Variants in CADM2 observed in about 807,000 individuals in gnomAD.
CADM2 encodes the protein immunoglobulin superfamily member 4D.
CADM2 carries 12 observed loss-of-function variants against 49.8 expected under a neutral mutation model. The ratio of observed to expected loss-of-function variants is 0.24; its 90% CI spans 0.15 to 0.39. The LOEUF (loss-of-function observed/expected upper bound fraction) is 0.39, where lower values mean the gene tolerates loss of function less well. Ranked by LOEUF, CADM2 falls within the 10% of genes least tolerant of loss-of-function variation. The pLI is 1.00. For synonymous variants in CADM2, 214 were observed against 175.4 expected, an observed-to-expected ratio of 1.22 and a Z score of -1.74; for missense variants, 378 against 492.3, an observed-to-expected ratio of 0.77 and a Z score of 2.20.
At chr3:86,042,035 A>G (rs1736009785) in intron 8 of CADM2, among the ~76,000 whole-genome samples, 1 of 152,228 alleles carries the variant, frequency 6.6e-6, no homozygotes, top group African/African-American at 2.4e-5. Context: ...ACCAAGGAGA[A>G]CAAAGACACA....
intron 1 of CADM2, among the ~76,000 whole-genome samples, chr3:85,437,817 C>T (rs998313128): frequency 2.6e-4 from 40 of 151,908 alleles, no homozygotes; most frequent in African/African-American, 9.7e-4. Flanking sequence ...TCAGAAGCAA[C>T]TCATAGAAAT....
chr3:85,136,597 TA>T (rs1254254253), intron 1 of CADM2, among the ~76,000 whole-genome samples: 1 of 152,000 alleles, frequency 6.6e-6, no homozygotes, highest in African/African-American at 2.4e-5. Context: ...GATTTTGCCT[TA>T]AAAAATAAAT....
intron 1 of CADM2, among the ~76,000 whole-genome samples, chr3:85,019,416 G>A (rs1292686032): frequency 3.3e-5 from 5 of 152,116 alleles, no homozygotes; most frequent in African/African-American, 7.2e-5. Context: ...CCAGGAGGTC[G>A]AGGCTGCAGT....
chr3:84,960,090 T>A, intron 1 of CADM2: 2 of 211,652 alleles, frequency 9.4e-6, no homozygotes, highest in African/African-American at 2.3e-5. Context: ...AACCTCCCCC[T>A]TTTCAGGTCG....
chr3:86,034,393 A>G (rs1734915270), intron 8 of CADM2, among the ~76,000 whole-genome samples: 1 of 152,028 alleles, frequency 6.6e-6, no homozygotes. Context: ...AAAGGGCTAA[A>G]TATAAGTTCT....
intron 7 of CADM2, among the ~76,000 whole-genome samples, chr3:85,953,287 C>G (rs865811507): frequency 1.2e-4 from 18 of 150,946 alleles, no homozygotes; most frequent in Admixed American, 3.3e-4. Flanking sequence ...TTTATTACTC[C>G]CAACTCAATT....
At chr3:85,952,664 G>A (rs1454737256) in intron 7 of CADM2, among the ~76,000 whole-genome samples, 1 of 150,880 alleles carries the variant, frequency 6.6e-6, no homozygotes, top group Non-Finnish European at 1.5e-5. Flanking sequence ...ACTAGAGGCT[G>A]TAAAGAGAGT....
At chr3:85,765,545 T>C (rs2069614220) in intron 2 of CADM2, among the ~76,000 whole-genome samples, 1 of 152,044 alleles carries the variant, frequency 6.6e-6, no homozygotes, top group South Asian at 2.1e-4. Context: ...TATCTCCCTA[T>C]TTCCTGGGAG....
intron 1 of CADM2, among the ~76,000 whole-genome samples, chr3:85,495,240 A>C (rs2039839758): frequency 6.6e-6 from 1 of 152,108 alleles, no homozygotes; most frequent in South Asian, 2.1e-4. Flanking sequence ...ACTAATGTTA[A>C]TTTTCTTCTC....
At chr3:85,492,981 A>T (rs915357485) in intron 1 of CADM2, among the ~76,000 whole-genome samples, 1 of 152,122 alleles carries the variant, frequency 6.6e-6, no homozygotes, top group Non-Finnish European at 1.5e-5. Context: ...ATCAAGGGGG[A>T]TCTAAAGGGA....
At chr3:85,388,494 C>G (rs1335049496) in intron 1 of CADM2, among the ~76,000 whole-genome samples, 1 of 152,106 alleles carries the variant, frequency 6.6e-6, no homozygotes, top group Admixed American at 6.5e-5. Flanking sequence ...TTTTCAGAAA[C>G]AGCTACATAT....
At chr3:85,607,738 C>G (rs1261495479) in intron 1 of CADM2, among the ~76,000 whole-genome samples, 2 of 151,982 alleles carry the variant, frequency 1.3e-5, no homozygotes, top group Non-Finnish European at 2.9e-5. Context: ...CTCACTGCAG[C>G]CTCCACCTCC....
intron 1 of CADM2, among the ~76,000 whole-genome samples, chr3:85,601,244 T>A (rs545647693): frequency 6.8e-4 from 100 of 147,756 alleles, no homozygotes; most frequent in Non-Finnish European, 1.4e-3. Context: ...TGTGTGATGA[T>A]GTTTGCTATA....
intron 1 of CADM2, among the ~76,000 whole-genome samples, chr3:85,703,452 A>T (rs1030037255): frequency 1.3e-5 from 2 of 152,210 alleles, no homozygotes; most frequent in African/African-American, 2.4e-5. Context: ...CACTAAGAGA[A>T]TAATTAGCTC....
chr3:85,562,928 A>G lies in CADM2; in HGVS notation c.62-163594A>G, dbSNP rs572944566. On this transcript the variant is annotated intron_variant, in intron 1 of 9. Transcript: ENST00000383699. ...GCATCTGTTCCAGGAAAGTTATTGT[A>G]CAAGAAGGGAAATCATGGCCTTACA... is the stretch of plus-strand genomic sequence containing the variant. Among the ~76,000 whole-genome samples the G allele has an allele frequency of 6.9e-4, 105 of 152,300 alleles. 2 individuals carry two copies. The South Asian group carries it at 7.0e-3, about 10-fold the overall frequency.
intron 7 of CADM2, among the ~76,000 whole-genome samples, chr3:85,943,177 G>T (rs1722178772): frequency 1.3e-5 from 2 of 148,672 alleles, no homozygotes; most frequent in South Asian, 2.1e-4. Flanking sequence ...CTTTTTGATG[G>T]GGTTGTTTGT....
intron 1 of CADM2, among the ~76,000 whole-genome samples, chr3:85,504,623 A>G (rs1029451606): frequency 1.3e-5 from 2 of 152,206 alleles, no homozygotes; most frequent in East Asian, 3.9e-4. Context: ...CCCAGTAGAT[A>G]CCTCACCGGG....
chr3:85,543,396 A>G (rs1164683023), intron 1 of CADM2, among the ~76,000 whole-genome samples: 1 of 96,136 alleles, frequency 1.0e-5, no homozygotes, highest in Non-Finnish European at 2.6e-5. Context: ...CTGGGATTAC[A>G]GGCACCGCCA....
intron 1 of CADM2, among the ~76,000 whole-genome samples, chr3:85,166,395 A>G (rs2040471674): frequency 6.6e-6 from 1 of 151,884 alleles, no homozygotes; most frequent in Non-Finnish European, 1.5e-5. Context: ...AAAGCATGAT[A>G]TATGAGAATC....
Sources: allele counts gnomAD v4.1 joint callset (sites outside exome capture counted in the v4.1 genomes callset), GRCh38; gene constraint gnomAD v4.1.1; transcripts MANE v1.5; gene names NCBI Gene and HGNC (gene_info 2026-07-23, HGNC 2026-07-21).